DENND1A: variants seen among roughly 807,000 people sequenced by gnomAD.
The protein encoded by DENND1A is DENN domain-containing protein 1A.
In DENND1A, 51 loss-of-function variants were observed where a neutral mutation model predicts 113.7. The ratio of observed to expected loss-of-function variants is 0.45; its 90% CI spans 0.36 to 0.57. The LOEUF (loss-of-function observed/expected upper bound fraction) is 0.57, where lower values mean the gene tolerates loss of function less well. Among genes scored for constraint, DENND1A ranks in the 20% least tolerant of loss-of-function variants. The pLI, the probability that DENND1A is intolerant of heterozygous loss-of-function variation, is 0.00. For missense variants in DENND1A, 1,258 were observed against 1,395.9 expected (o/e 0.90, Z 1.57); for synonymous variants, 565 against 570.8 (o/e 0.99, Z 0.14).
rs761735480 is a variant in DENND1A at position 123,383,734 on chromosome 9, G to A, written c.1940C>T (p.Pro647Leu). The stretch of plus-strand genomic sequence containing the variant: ...CTCTAAGCTCTTGGCCTGGCCCAGT[G>A]GCTGCAGTGCGGCCTCCATGTCCAG... ...SNLDMEAALQ[P>L]LGQAKSLEDL... The change falls in exon 23 of 24, where the codon CCA becomes CTA. Residue 647 changes from proline (P) to leucine (L), a missense_variant. Transcript: ENST00000394215. The A allele has an allele frequency of 6.2e-6, 10 of 1,614,034 alleles. No individual in the cohort carries two copies. In the East Asian group the frequency reaches 1.8e-4, roughly 29 times the overall value.
intron 9 of DENND1A, among the ~76,000 whole-genome samples, chr9:123,637,821 ATCGTTCTTCCAGTAGTT>A (rs1297445640): frequency 1.3e-5 from 2 of 152,000 alleles, no homozygotes; most frequent in East Asian, 3.9e-4. Context: ...AATGGCAACA[ATCGTTCTTCCAGTAGTT>A]TCATTTTCAG....
At chr9:123,824,428 T>G (rs1564343674) in intron 2 of DENND1A, among the ~76,000 whole-genome samples, 1 of 152,242 alleles carries the variant, frequency 6.6e-6, no homozygotes, top group Non-Finnish European at 1.5e-5. Flanking sequence ...AGTAGTTGTT[T>G]GCTGAATGCG....
intron 22 of DENND1A, 25 bp from the exon 23 acceptor site, chr9:123,383,938 C>G: frequency 6.3e-7 from 1 of 1,591,566 alleles, no homozygotes. Context: ...GCAGGCTGCA[C>G]TCTCCCACCC....
At chr9:123,496,698 G>A (rs1267240569) in intron 13 of DENND1A, among the ~76,000 whole-genome samples, 1 of 152,220 alleles carries the variant, frequency 6.6e-6, no homozygotes, top group African/African-American at 2.4e-5. Context: ...GACCCACTTG[G>A]AAGAGTGTGT....
At chr9:123,693,131 A>T (rs2065281390) in intron 5 of DENND1A, among the ~76,000 whole-genome samples, 1 of 152,216 alleles carries the variant, frequency 6.6e-6, no homozygotes, top group African/African-American at 2.4e-5. Flanking sequence ...AATTTTGGCA[A>T]CTGGATACAG....
intron 4 of DENND1A, 54 bp from the exon 5 acceptor site, chr9:123,757,876 A>G (rs2070704159): frequency 6.3e-7 from 1 of 1,597,662 alleles, no homozygotes; most frequent in East Asian, 2.2e-5. Flanking sequence ...GTTTCTTGAT[A>G]AAGTATCTAA....
At chr9:123,781,115 T>C (rs1227926181) in intron 3 of DENND1A, among the ~76,000 whole-genome samples, 1 of 152,180 alleles carries the variant, frequency 6.6e-6, no homozygotes. Context: ...CCATGTTGAA[T>C]GCAGATAAAG....
intron 13 of DENND1A, among the ~76,000 whole-genome samples, chr9:123,481,793 CTTT>C (rs1220597623): frequency 2.8e-5 from 4 of 145,254 alleles, no homozygotes; most frequent in Non-Finnish European, 6.0e-5. Context: ...TTTTTTCTTT[CTTT>C]CTTTTTTTTT....
intron 9 of DENND1A, among the ~76,000 whole-genome samples, chr9:123,644,237 G>A (rs2062177363): frequency 6.6e-6 from 1 of 152,062 alleles, no homozygotes; most frequent in Non-Finnish European, 1.5e-5. Context: ...TGGCTCAAAA[G>A]GTTAACTTAA....
intron 3 of DENND1A, among the ~76,000 whole-genome samples, chr9:123,771,567 C>G (rs1829736999): frequency 6.6e-6 from 1 of 152,170 alleles, no homozygotes; most frequent in South Asian, 2.1e-4. Context: ...CTACTCTATG[C>G]TGGAGTTGTA....
intron 5 of DENND1A, among the ~76,000 whole-genome samples, chr9:123,702,695 TA>T (rs2065951759): frequency 6.6e-6 from 1 of 152,156 alleles, no homozygotes; most frequent in Admixed American, 6.5e-5. Context: ...CAACCAAGAA[TA>T]CTGTACCCAG....
intron 2 of DENND1A, among the ~76,000 whole-genome samples, chr9:123,861,357 T>C (rs1205066429): frequency 1.3e-5 from 2 of 152,246 alleles, no homozygotes. Flanking sequence ...ACAGGAGCTT[T>C]CTTTTGTAAA....
intron 13 of DENND1A, among the ~76,000 whole-genome samples, chr9:123,521,081 T>G (rs1340155920): frequency 6.6e-6 from 1 of 152,234 alleles, no homozygotes; most frequent in Non-Finnish European, 1.5e-5. Flanking sequence ...AGGTTCTTAT[T>G]GTAAACACAG....
At chr9:123,459,893 A>C (rs1169044203) in intron 13 of DENND1A, among the ~76,000 whole-genome samples, 1 of 152,210 alleles carries the variant, frequency 6.6e-6, no homozygotes, top group Non-Finnish European at 1.5e-5. Context: ...GATGACCCAA[A>C]AATATTAGGG....
chr9:123,815,800 G>A (rs373464016), intron 2 of DENND1A, among the ~76,000 whole-genome samples: 41 of 152,124 alleles, frequency 2.7e-4, no homozygotes, highest in African/African-American at 8.9e-4. Flanking sequence ...ATTCTACAAT[G>A]TGAGGAGGCT....
intron 5 of DENND1A, among the ~76,000 whole-genome samples, chr9:123,687,663 G>A (rs1414712984): frequency 1.3e-5 from 2 of 152,218 alleles, no homozygotes; most frequent in Non-Finnish European, 2.9e-5. Context: ...CTTTAGTGAC[G>A]AAGCAACTCT....
intron 15 of DENND1A, among the ~76,000 whole-genome samples, chr9:123,456,356 G>A (rs565048434): frequency 2.8e-4 from 40 of 144,376 alleles, no homozygotes; most frequent in African/African-American, 8.0e-4. Context: ...AGACTGAGGC[G>A]ATGGGATTTG....
intron 1 of DENND1A, among the ~76,000 whole-genome samples, chr9:123,903,400 T>C (rs1852095793): frequency 7.1e-6 from 1 of 140,736 alleles, no homozygotes; most frequent in Admixed American, 7.0e-5. Flanking sequence ...AGCCCCGGTA[T>C]ACAGCTCCCA....
chr9:123,554,656 A>G (rs10118202), intron 13 of DENND1A, among the ~76,000 whole-genome samples: 55,680 of 152,074 alleles, frequency 0.37, 11,098 homozygotes, highest in African/African-American at 0.53. Context: ...TCAGATGAAC[A>G]GGATTGAAAG....
Sources: gnomAD v4.1 joint callset for allele counts (sites outside exome capture counted in the v4.1 genomes callset) on GRCh38, gnomAD v4.1.1 for gene constraint, MANE v1.5 for transcripts, NCBI Gene and HGNC (gene_info 2026-07-23, HGNC 2026-07-21) for gene names.